Variants in TUSC3 observed in about 807,000 individuals in gnomAD.
TUSC3 encodes dolichyl-diphosphooligosaccharide--protein glycosyltransferase subunit TUSC3.
TUSC3 carries 45 observed loss-of-function variants against 44.8 expected under a neutral mutation model. The ratio of observed to expected loss-of-function variants is 1.00; its 90% CI spans 0.79 to 1.29. The LOEUF is 1.29. Ranked by LOEUF, TUSC3 falls within the 50% of genes most tolerant of loss-of-function variation. The pLI is 0.00. For missense variants in TUSC3, 519 were observed against 437.9 expected, an observed-to-expected ratio of 1.19 and a Z score of -1.65; for synonymous variants, 212 against 152.9, an observed-to-expected ratio of 1.39 and a Z score of -2.85.
intron 4 of TUSC3, 68 bp downstream of exon 4, chr8:15,659,715 A>C (rs1807335478): frequency 3.8e-6 from 6 of 1,582,656 alleles, no homozygotes; most frequent in Non-Finnish European, 1.7e-6. Flanking sequence ...CATTTTAATA[A>C]GGCCACAGTA....
At chr8:15,755,082 G>A (rs963914827) in intron 9 of TUSC3, among the ~76,000 whole-genome samples, 9 of 151,934 alleles carry the variant, frequency 5.9e-5, no homozygotes, top group South Asian at 2.1e-4. Context: ...AACAGTTTAC[G>A]TATGAATCTG....
intron 2 of TUSC3, among the ~76,000 whole-genome samples, chr8:15,518,094 C>G (rs1247431336): frequency 5.9e-5 from 9 of 152,092 alleles, no homozygotes; most frequent in Non-Finnish European, 1.2e-4. Context: ...TTTACTTAGC[C>G]TGTAGATTTC....
At chr8:15,584,820 A>G (rs1187378337) in intron 1 of TUSC3, among the ~76,000 whole-genome samples, 3 of 152,160 alleles carry the variant, frequency 2.0e-5, no homozygotes, top group Non-Finnish European at 1.5e-5. Flanking sequence ...GGGATCTTTT[A>G]TATGTACAGG....
At chr8:15,418,643 T>C (rs143393073) in intron 1 of TUSC3, among the ~76,000 whole-genome samples, 3 of 152,222 alleles carry the variant, frequency 2.0e-5, no homozygotes, top group East Asian at 3.9e-4. Flanking sequence ...TCAGATGAAA[T>C]TGAAGTCAAC....
At chr8:15,708,267 G>A (rs1429779628) in intron 6 of TUSC3, among the ~76,000 whole-genome samples, 1 of 151,938 alleles carries the variant, frequency 6.6e-6, no homozygotes, top group African/African-American at 2.4e-5. Flanking sequence ...TGGAATAAAT[G>A]GAGTGTGGAG....
chr8:15,789,486 G>T, the TUSC3 span, among the ~76,000 whole-genome samples: 4,008 of 152,226 alleles, frequency 0.026, 149 homozygotes, highest in African/African-American at 0.09. Flanking sequence ...GACAGAGGAT[G>T]TCATACAGAT....
intron 1 of TUSC3, among the ~76,000 whole-genome samples, chr8:15,601,509 G>T (rs1308925418): frequency 6.6e-6 from 1 of 151,750 alleles, no homozygotes; most frequent in Non-Finnish European, 1.5e-5. Flanking sequence ...TTTCTTTGGA[G>T]AATTTTTGGT....
At chr8:15,522,393 T>G (rs116593127) in intron 2 of TUSC3, among the ~76,000 whole-genome samples, 9,872 of 152,060 alleles carry the variant, frequency 0.065, 986 homozygotes, top group African/African-American at 0.22. Context: ...CCAGCACACA[T>G]GTCTAAATTT....
chr8:15,625,292 C>G (rs558147542), intron 2 of TUSC3, among the ~76,000 whole-genome samples: 4 of 151,846 alleles, frequency 2.6e-5, no homozygotes, highest in Admixed American at 2.0e-4. Flanking sequence ...AGACACTGGT[C>G]TGTAGTTTTT....
chr8:15,519,091 T>C (rs1801259568), intron 2 of TUSC3, among the ~76,000 whole-genome samples: 1 of 152,216 alleles, frequency 6.6e-6, no homozygotes, highest in South Asian at 2.1e-4. Context: ...GGCTTCTTGC[T>C]CACTCTGATA....
chr8:15,432,816 C>G (rs1302963987), intron 1 of TUSC3, among the ~76,000 whole-genome samples: 3 of 152,080 alleles, frequency 2.0e-5, no homozygotes, highest in Admixed American at 6.5e-5. Context: ...TTGCTTCCCC[C>G]ACATGGAAAA....
intron 8 of TUSC3, among the ~76,000 whole-genome samples, chr8:15,745,765 G>T (rs1283128661): frequency 1.3e-5 from 2 of 151,602 alleles, no homozygotes; most frequent in Non-Finnish European, 2.9e-5. Context: ...CTGTCTTGTT[G>T]TTTTGCGGTG....
At chr8:15,573,198 CTCTCTATATATATATA>C (rs1389242876) in intron 1 of TUSC3, among the ~76,000 whole-genome samples, 20 of 101,554 alleles carry the variant, frequency 2.0e-4, no homozygotes, top group African/African-American at 7.7e-4. Flanking sequence ...CTCTCTCTCT[CTCTCTATATATATATA>C]TATATATATA....
intron 2 of TUSC3, among the ~76,000 whole-genome samples, chr8:15,630,936 A>T (rs1281771433): frequency 6.6e-6 from 1 of 152,208 alleles, no homozygotes; most frequent in Non-Finnish European, 1.5e-5. Context: ...GGTCCCTTGT[A>T]CATCACTTAA....
chr8:15,521,713 C>T (rs542269579), intron 2 of TUSC3, among the ~76,000 whole-genome samples: 51 of 152,306 alleles, frequency 3.3e-4, no homozygotes, highest in Non-Finnish European at 5.9e-4. Context: ...ACTGGTTACA[C>T]AAGCTTTCAT....
chr8:15,697,525 C>T (rs2129193555), intron 6 of TUSC3, among the ~76,000 whole-genome samples: 1 of 152,290 alleles, frequency 6.6e-6, no homozygotes, highest in East Asian at 1.9e-4. Flanking sequence ...AGTTCGCTAT[C>T]TTGCTACAAC....
chr8:15,576,432 G>T (rs1468964380), intron 1 of TUSC3, among the ~76,000 whole-genome samples: 1 of 147,316 alleles, frequency 6.8e-6, no homozygotes, highest in Non-Finnish European at 1.5e-5. Context: ...CTAGCATTAG[G>T]TATATCTCCC....
chr8:15,538,544 T>C (rs948384511), upstream of TUSC3, among the ~76,000 whole-genome samples: 1 of 152,210 alleles, frequency 6.6e-6, no homozygotes, highest in Non-Finnish European at 1.5e-5. Flanking sequence ...TTTCTTTATC[T>C]GAAAATCGTT....
At chr8:15,818,191 T>C in the TUSC3 span, among the ~76,000 whole-genome samples, 1 of 152,210 alleles carries the variant, frequency 6.6e-6, no homozygotes, top group African/African-American at 2.4e-5. Context: ...AAGTTTTCCA[T>C]TCTCAGTCGT....
Sources: gnomAD v4.1 joint callset for allele counts (sites outside exome capture counted in the v4.1 genomes callset) on GRCh38, gnomAD v4.1.1 for gene constraint, MANE v1.5 for transcripts, NCBI Gene and HGNC (gene_info 2026-07-23, HGNC 2026-07-21) for gene names.